The following CCDC171 variants were observed in gnomAD, a reference collection of about 807,000 sequenced individuals.
CCDC171 encodes the protein coiled-coil domain-containing protein 171.
In CCDC171, 177 loss-of-function variants were observed where a neutral mutation model predicts 168.2. That is an observed-to-expected ratio of 1.05 (90% CI 0.93 to 1.19). CCDC171 has a LOEUF of 1.19. Ranked by LOEUF, CCDC171 falls within the 50% of genes most tolerant of loss-of-function variation. The probability of loss-of-function intolerance (pLI) is 0.00; values close to 1 mark genes in which losing one functional copy is unlikely to be tolerated. For missense variants in CCDC171, 1,991 were observed against 1,539.0 expected (o/e 1.29, Z -4.91); for synonymous variants, 687 against 540.8 (o/e 1.27, Z -3.75).
intron 2 of CCDC171, among the ~76,000 whole-genome samples, chr9:15,568,560 G>C (rs975644880): frequency 6.6e-6 from 1 of 152,098 alleles, no homozygotes; most frequent in South Asian, 2.1e-4. Context: ...GTGAGCCACC[G>C]CACCCAGCCT....
At chr9:15,918,240 A>G (rs555714269) in intron 24 of CCDC171, among the ~76,000 whole-genome samples, 1 of 151,740 alleles carries the variant, frequency 6.6e-6, no homozygotes, top group African/African-American at 2.4e-5. Context: ...GTAATATGCT[A>G]CATGGTCCCT....
intron 25 of CCDC171, among the ~76,000 whole-genome samples, chr9:15,921,437 A>G (rs1825317135): frequency 6.6e-6 from 1 of 151,712 alleles, no homozygotes; most frequent in Non-Finnish European, 1.5e-5. Flanking sequence ...TCTAGCAGTT[A>G]TCGTCAAACT....
At chr9:15,592,642 G>C (rs1487058147) in intron 5 of CCDC171, among the ~76,000 whole-genome samples, 3 of 152,152 alleles carry the variant, frequency 2.0e-5, no homozygotes, top group Admixed American at 2.0e-4. Flanking sequence ...ATTAGTGTGT[G>C]AATGGGGGAG....
intron 25 of CCDC171, among the ~76,000 whole-genome samples, chr9:15,970,934 A>AC (rs1477695889): frequency 1.3e-5 from 2 of 152,164 alleles, no homozygotes; most frequent in Non-Finnish European, 2.9e-5. Flanking sequence ...TCATTTGTAC[A>AC]CCGTACCTCA....
chr9:15,731,706 G>A (rs763442443), intron 16 of CCDC171, among the ~76,000 whole-genome samples: 6 of 151,862 alleles, frequency 4.0e-5, no homozygotes, highest in Non-Finnish European at 5.9e-5. Context: ...TATTTCTCTC[G>A]CTTAATTACT....
At chr9:16,107,201 G>A in the CCDC171 span, among the ~76,000 whole-genome samples, 1 of 152,120 alleles carries the variant, frequency 6.6e-6, no homozygotes, top group Non-Finnish European at 1.5e-5. Flanking sequence ...CCAGGCTGGA[G>A]TGCGGTGGTA....
intron 10 of CCDC171, among the ~76,000 whole-genome samples, chr9:15,694,632 A>G (rs1181749642): frequency 3.3e-5 from 5 of 152,168 alleles, no homozygotes; most frequent in Non-Finnish European, 7.3e-5. Flanking sequence ...TACTTCCCTT[A>G]TCCTCATCCA....
At chr9:16,040,879 C>CTTTTTTT (rs145586533), upstream of CCDC171, among the ~76,000 whole-genome samples, 1 of 151,472 alleles carries the variant, frequency 6.6e-6, no homozygotes. Context: ...AAGATACTCT[C>CTTTTTTT]TCTTTTTTTT....
At chr9:15,915,593 T>A (rs2987061) in intron 24 of CCDC171, among the ~76,000 whole-genome samples, 113,593 of 152,032 alleles carry the variant, frequency 0.75, 44,036 homozygotes, top group East Asian at 0.86. Flanking sequence ...TTGCCAATTA[T>A]GATACCTGTT....
chr9:15,958,586 AG>A (rs1830043664), intron 25 of CCDC171, among the ~76,000 whole-genome samples: 1 of 149,944 alleles, frequency 6.7e-6, no homozygotes, highest in South Asian at 2.1e-4. Flanking sequence ...GGCCAGGAAA[AG>A]TTTGGGGTAA....
intron 25 of CCDC171, among the ~76,000 whole-genome samples, chr9:15,925,079 A>G (rs1296126672): frequency 6.6e-6 from 1 of 151,658 alleles, no homozygotes; most frequent in Non-Finnish European, 1.5e-5. Flanking sequence ...ACGAACCAAA[A>G]CAGACAATCC....
Position 15,779,028 on chromosome 9 carries a change from G to A in CCDC171, c.2959G>A (p.Glu987Lys). 1 of 1,597,946 alleles carries A rather than the reference G, an allele frequency of 6.3e-7. No individual in the cohort carries two copies. The highest frequency in any genetic ancestry group is 8.5e-7 in the Non-Finnish European group (1 of 1,173,160). ...ATTTACACAAAGACTGCATGCTGCA[G>A]AAGTGGAGCGCCGCTCACTACGCTT... ...LGFTQRLHAA[E>K]VERRSLRLEV... is the part of the protein sequence containing the mutation. The change falls in exon 20 of 26, where the codon GAA becomes AAA. Residue 987 changes from glutamate to lysine, a missense_variant. Physicochemically the swap from Glu to Lys is moderately conservative, Grantham distance 56. Transcript: ENST00000380701.
intron 11 of CCDC171, among the ~76,000 whole-genome samples, chr9:15,700,528 C>T (rs2051641264): frequency 6.6e-6 from 1 of 152,254 alleles, no homozygotes; most frequent in South Asian, 2.1e-4. Context: ...TAAGTGCCGC[C>T]AAGGTTCGAG....
chr9:15,656,309 G>A (rs1218092582), intron 7 of CCDC171, among the ~76,000 whole-genome samples: 2 of 149,230 alleles, frequency 1.3e-5, no homozygotes, highest in Admixed American at 6.7e-5. Context: ...GTGACAGAGC[G>A]AGACTCCGTC....
intron 3 of CCDC171, among the ~76,000 whole-genome samples, chr9:15,993,418 C>T (rs928988547): frequency 6.6e-6 from 1 of 152,146 alleles, no homozygotes; most frequent in African/African-American, 2.4e-5. Context: ...TGGATCCCTT[C>T]CTTACAGCTT....
intron 6 of CCDC171, among the ~76,000 whole-genome samples, chr9:15,614,219 C>T (rs1193842810): frequency 7.2e-5 from 11 of 152,142 alleles, no homozygotes. Flanking sequence ...AGGAATATGT[C>T]AGAGCTTTTC....
chr9:15,715,105 A>T (rs2052980471), intron 11 of CCDC171, among the ~76,000 whole-genome samples: 3 of 152,230 alleles, frequency 2.0e-5, no homozygotes, highest in Admixed American at 1.3e-4. Context: ...CCTTCTAGCC[A>T]CATGGAGCTT....
the CCDC171 span, among the ~76,000 whole-genome samples, chr9:16,091,479 G>C: frequency 6.6e-6 from 1 of 152,214 alleles, no homozygotes; most frequent in Admixed American, 6.5e-5. Flanking sequence ...TCACCATCTA[G>C]TGTAGGAGCT....
downstream of CCDC171, among the ~76,000 whole-genome samples, chr9:16,064,424 G>A (rs1392084422): frequency 6.6e-6 from 1 of 152,146 alleles, no homozygotes; most frequent in African/African-American, 2.4e-5. Flanking sequence ...GGGAGGCTGA[G>A]GGCAGAGGAG....
Sources: gnomAD v4.1 joint callset for allele counts (sites outside exome capture counted in the v4.1 genomes callset) on GRCh38, gnomAD v4.1.1 for gene constraint, MANE v1.5 for transcripts, NCBI Gene and HGNC (gene_info 2026-07-23, HGNC 2026-07-21) for gene names.